Variants in GARNL3 observed in about 807,000 individuals in gnomAD.
The protein encoded by GARNL3 is GTPase-activating Rap/Ran-GAP domain-like protein 3.
In GARNL3, 63 loss-of-function variants were observed where a neutral mutation model predicts 125.0. The observed-to-expected ratio is 0.50, with a 90% CI of 0.41 to 0.62. GARNL3 has a LOEUF of 0.62. Ranked by LOEUF, GARNL3 falls within the 20% of genes least tolerant of loss-of-function variation. The probability of loss-of-function intolerance (pLI) is 0.00; values close to 1 mark genes in which losing one functional copy is unlikely to be tolerated. For missense variants in GARNL3, 994 were observed against 1,244.0 expected, an observed-to-expected ratio of 0.80 and a Z score of 3.02; for synonymous variants, 439 against 457.5, an observed-to-expected ratio of 0.96 and a Z score of 0.52.
chr9:127,265,257 G>A (rs1164188053), intron 1 of GARNL3, among the ~76,000 whole-genome samples: 2 of 151,780 alleles, frequency 1.3e-5, no homozygotes, highest in South Asian at 2.1e-4. Flanking sequence ...AATATGTTAC[G>A]GCTTGGTATT....
chr9:127,326,339 A>C (rs987405425), intron 7 of GARNL3, among the ~76,000 whole-genome samples: 2 of 152,206 alleles, frequency 1.3e-5, no homozygotes, highest in African/African-American at 4.8e-5. Flanking sequence ...AGATCCTAGA[A>C]CAGTAAAAAT....
chr9:127,255,072 C>T (rs2063474258), intron 2 of GARNL3, among the ~76,000 whole-genome samples: 1 of 152,182 alleles, frequency 6.6e-6, no homozygotes, highest in Non-Finnish European at 1.5e-5. Flanking sequence ...TTGGCGTACT[C>T]ACTTCGGAAA....
intron 17 of GARNL3, among the ~76,000 whole-genome samples, chr9:127,353,199 T>G (rs1830502966): frequency 6.6e-6 from 1 of 152,224 alleles, no homozygotes; most frequent in East Asian, 1.9e-4. Flanking sequence ...TCAGTTCGTT[T>G]TTCCTGCTGT....
Position 127,386,885 on chromosome 9 carries a change from G to A in GARNL3, c.2389-308G>A, listed in dbSNP as rs187577954. 2.0e-4 allele frequency among the ~76,000 whole-genome samples: 31 copies of A among 152,350 alleles called. No individual in the cohort carries two copies. In the East Asian group the frequency reaches 5.6e-3, roughly 27 times the overall value. On this transcript the variant is annotated intron_variant, in intron 24 of 27. Transcript: ENST00000373387. ...AACACTCCAGGTGCCTGAGATTCCT[G>A]TTAGGGAAGTGTGTGCTGTGTTTGT... is the stretch of plus-strand genomic sequence containing the variant.
At chr9:127,272,646 A>G (rs1431180171) in intron 1 of GARNL3, among the ~76,000 whole-genome samples, 1 of 151,944 alleles carries the variant, frequency 6.6e-6, no homozygotes, top group Non-Finnish European at 1.5e-5. Flanking sequence ...CGCCCAGCTA[A>G]TTTTTGTATT....
intron 2 of GARNL3, among the ~76,000 whole-genome samples, chr9:127,294,146 A>G (rs1042335314): frequency 1.3e-5 from 2 of 152,198 alleles, no homozygotes; most frequent in Non-Finnish European, 2.9e-5. Flanking sequence ...TTTGTCCCCA[A>G]CAAGGTCACC....
chr9:127,228,659 T>C (rs1320801558), intron 1 of GARNL3, among the ~76,000 whole-genome samples: 3 of 152,240 alleles, frequency 2.0e-5, no homozygotes, highest in Non-Finnish European at 4.4e-5. Flanking sequence ...ACTTTTTATT[T>C]ATTTATTAAG....
At chr9:127,314,718 C>A (rs2065190485) in intron 4 of GARNL3, among the ~76,000 whole-genome samples, 1 of 152,180 alleles carries the variant, frequency 6.6e-6, no homozygotes, top group Non-Finnish European at 1.5e-5. Flanking sequence ...CAGAGTGGGA[C>A]AAATGCAGGG....
intron 2 of GARNL3, among the ~76,000 whole-genome samples, chr9:127,257,058 A>G (rs1284443050): frequency 2.6e-5 from 4 of 152,228 alleles, no homozygotes; most frequent in African/African-American, 9.6e-5. Flanking sequence ...TTTTCCATTC[A>G]GCATAGTTCC....
exon 2 of GARNL3, chr9:127,243,136 G>A (rs2063232423): frequency 1.5e-6 from 2 of 1,365,534 alleles, no homozygotes; most frequent in Non-Finnish European, 2.0e-6. Flanking sequence ...TGCCTTGTGG[G>A]AGTCAGATAG....
At chr9:127,250,848 C>T (rs1014535170) in intron 2 of GARNL3, among the ~76,000 whole-genome samples, 8 of 152,170 alleles carry the variant, frequency 5.3e-5, no homozygotes, top group African/African-American at 1.2e-4. Flanking sequence ...AGGATGGTCT[C>T]GCTCCCTGCC....
intron 2 of GARNL3, among the ~76,000 whole-genome samples, chr9:127,247,084 TGTGTG>T (rs1206334758): frequency 6.6e-6 from 1 of 151,990 alleles, no homozygotes; most frequent in Non-Finnish European, 1.5e-5. Flanking sequence ...GTTTGCCTCT[TGTGTG>T]GTGAAGTAGT....
At chr9:127,299,406 C>T (rs1475362609) in intron 2 of GARNL3, among the ~76,000 whole-genome samples, 1 of 151,864 alleles carries the variant, frequency 6.6e-6, no homozygotes, top group African/African-American at 2.4e-5. Context: ...GCGTGACAGT[C>T]TCCTGTGTTT....
chr9:127,301,491 T>C (rs1469872086), intron 2 of GARNL3, among the ~76,000 whole-genome samples: 3 of 152,230 alleles, frequency 2.0e-5, no homozygotes, highest in African/African-American at 7.2e-5. Context: ...CTCTCTAGTT[T>C]ACAATTCAGT....
chr9:127,338,705 G>A (rs1829687364), intron 12 of GARNL3, among the ~76,000 whole-genome samples: 1 of 152,190 alleles, frequency 6.6e-6, no homozygotes, highest in African/African-American at 2.4e-5. Context: ...ATGCTGCCTG[G>A]TATGCAGCAG....
upstream of GARNL3, chr9:127,264,489 A>G (rs2063659613): frequency 1.0e-6 from 1 of 991,826 alleles, no homozygotes. Flanking sequence ...CTTACTTAAA[A>G]TATAGCATTA....
chr9:127,348,606 C>G (rs537743919), intron 16 of GARNL3, among the ~76,000 whole-genome samples: 1 of 152,280 alleles, frequency 6.6e-6, no homozygotes, highest in African/African-American at 2.4e-5. Flanking sequence ...GGCCCAACTC[C>G]CAGGTGTTAA....
intron 21 of GARNL3, 178 bp from the exon 22 acceptor site, chr9:127,365,122 C>T (rs1831213306): frequency 1.8e-6 from 1 of 566,772 alleles, no homozygotes; most frequent in Middle Eastern, 2.8e-4. Context: ...TTTCTCACTT[C>T]CATTGTATTA....
intron 27 of GARNL3, among the ~76,000 whole-genome samples, chr9:127,391,298 A>G (rs1242126791): frequency 1.4e-5 from 2 of 146,646 alleles, no homozygotes; most frequent in Non-Finnish European, 3.0e-5. Flanking sequence ...AAATATATAT[A>G]TAATATATAT....
Sources: allele counts gnomAD v4.1 joint callset (sites outside exome capture counted in the v4.1 genomes callset), GRCh38; gene constraint gnomAD v4.1.1; transcripts MANE v1.5; gene names NCBI Gene and HGNC (gene_info 2026-07-23, HGNC 2026-07-21).